The following KAT6A variants were observed in gnomAD, a reference collection of about 807,000 sequenced individuals.
KAT6A encodes the protein lysine acetyltransferase 6A.
Under a neutral mutation model 198.4 loss-of-function variants are expected in KAT6A, and 9 were observed. The ratio of observed to expected loss-of-function variants is 0.05; its 90% CI spans 0.03 to 0.08. The LOEUF (loss-of-function observed/expected upper bound fraction) is 0.08, where lower values mean the gene tolerates loss of function less well. Among genes scored for constraint, KAT6A ranks in the 10% least tolerant of loss-of-function variants. The probability of loss-of-function intolerance (pLI) is 1.00; values close to 1 mark genes in which losing one functional copy is unlikely to be tolerated. For missense variants in KAT6A, 2,077 were observed against 2,509.9 expected, an observed-to-expected ratio of 0.83 and a Z score of 3.69; for synonymous variants, 890 against 883.0, an observed-to-expected ratio of 1.01 and a Z score of -0.14.
intron 2 of KAT6A, among the ~76,000 whole-genome samples, chr8:42,034,641 T>G (rs1413083328): frequency 6.6e-6 from 1 of 152,228 alleles, no homozygotes; most frequent in Non-Finnish European, 1.5e-5. Context: ...TAGCCACATG[T>G]GGCTATTTCA....
intron 2 of KAT6A, among the ~76,000 whole-genome samples, chr8:42,040,117 T>C (rs1361434317): frequency 6.6e-6 from 1 of 151,998 alleles, no homozygotes; most frequent in Non-Finnish European, 1.5e-5. Flanking sequence ...AATTTAATCA[T>C]ATAGAATTCT....
chr8:41,981,221 G>C (rs557901500), intron 4 of KAT6A, among the ~76,000 whole-genome samples: 18 of 152,302 alleles, frequency 1.2e-4, no homozygotes, highest in Non-Finnish European at 2.2e-4. Flanking sequence ...AGAAGGCTGA[G>C]GCAGGAGAAC....
At chr8:42,019,198 A>G (rs1826412477) in intron 2 of KAT6A, among the ~76,000 whole-genome samples, 1 of 152,232 alleles carries the variant, frequency 6.6e-6, no homozygotes, top group Admixed American at 6.5e-5. Flanking sequence ...TACCTGTTTG[A>G]GATACCTCTA....
intron 2 of KAT6A, among the ~76,000 whole-genome samples, chr8:41,991,085 G>T (rs1824921718): frequency 6.7e-6 from 1 of 149,196 alleles, no homozygotes; most frequent in South Asian, 2.2e-4. Flanking sequence ...ATTTGAAAAT[G>T]TTGACGTTAT....
chr8:42,011,102 C>T (rs1335305450), intron 2 of KAT6A, among the ~76,000 whole-genome samples: 4 of 152,182 alleles, frequency 2.6e-5, no homozygotes, highest in Admixed American at 6.5e-5. Context: ...ACTAACAAAT[C>T]GCCCTTTTTA....
chr8:41,977,188 C>A lies in KAT6A; in HGVS notation c.1183G>T (p.Asp395Tyr), dbSNP rs1317247910. The change falls in exon 7 of 17, where the codon GAT becomes TAT. Residue 395 changes from aspartate (D) to tyrosine (Y), a missense_variant. Coordinates refer to ENST00000265713, the MANE Select transcript of KAT6A (RefSeq NM_006766.5). The stretch of plus-strand genomic sequence containing the variant: ...TTGAACTTCAAGGAGACATTGCTAT[C>A]TCTGCAGAAGTCCAAGCCATCTATC... ...ERIDGLDFCR[D>Y]SNVSLKFNKK... 1 of 1,614,040 alleles carries A rather than the reference C, an allele frequency of 6.2e-7. No homozygotes were observed. Among genetic ancestry groups the A allele is most frequent in the Non-Finnish European group, 8.5e-7 (1 of 1,180,018 alleles).
intron 2 of KAT6A, among the ~76,000 whole-genome samples, chr8:42,017,919 T>C (rs1310018331): frequency 6.6e-6 from 1 of 152,156 alleles, no homozygotes; most frequent in Non-Finnish European, 1.5e-5. Context: ...GAAGTACCTA[T>C]CATGTGTCAC....
chr8:41,989,545 C>T (rs1008157540), intron 2 of KAT6A, among the ~76,000 whole-genome samples: 1 of 151,838 alleles, frequency 6.6e-6, no homozygotes, highest in Non-Finnish European at 1.5e-5. Context: ...CGTGACGTGA[C>T]GTGACGTGAC....
Position 41,937,429 on chromosome 8 carries a change from C to G in KAT6A, c.3179G>C (p.Arg1060Thr). Residue 1060 changes from arginine (R) to threonine (T), a missense_variant, in exon 16 of 17, where the codon AGA becomes ACA. Transcript: ENST00000265713. ...EDSDSERPMP[R>T]LEPTFEIDEE... ...ATCGATCTCAAACGTGGGTTCTAAT[C>G]TTGGCATTGGCCTCTCGGAGTCAGA... The G allele has an allele frequency of 6.2e-7, 1 of 1,614,154 alleles. No homozygotes were observed.
intron 2 of KAT6A, among the ~76,000 whole-genome samples, chr8:42,017,361 G>A (rs1359746876): frequency 6.6e-6 from 1 of 152,102 alleles, no homozygotes; most frequent in East Asian, 1.9e-4. Context: ...TAGTAGGACA[G>A]GCAGATAAAT....
chr8:42,020,126 T>C (rs1826459667), intron 2 of KAT6A, among the ~76,000 whole-genome samples: 1 of 152,192 alleles, frequency 6.6e-6, no homozygotes, highest in Admixed American at 6.5e-5. Flanking sequence ...ATGCTGCCAA[T>C]CTAGAACTAT....
At chr8:41,983,261 T>C (rs536114308) in intron 3 of KAT6A, among the ~76,000 whole-genome samples, 1 of 152,198 alleles carries the variant, frequency 6.6e-6, no homozygotes, top group Non-Finnish European at 1.5e-5. Context: ...TCCTCTCTTT[T>C]CTATTCCTAA....
rs1398572096 is a variant in KAT6A at position 42,048,565 on chromosome 8, C to T, written c.413G>A (p.Ser138Asn). The T allele has an allele frequency of 3.1e-6, 5 of 1,614,116 alleles. No homozygotes were observed. Among genetic ancestry groups the T allele is most frequent in the African/African-American group, 1.3e-5 (1 of 74,928 alleles). The change falls in exon 2 of 17, where the codon AGT (serine) becomes AAT (asparagine). Residue 138 changes from serine (S) to asparagine (N), a missense_variant. By Grantham distance (46) the Ser-to-Asn change is conservative. Transcript: ENST00000265713. The stretch of plus-strand genomic sequence containing the variant: ...CTGCTGGTGAAAGCCAGAGGCAGCA[C>T]TGCCTCCGAATAATGCAGACACATC... ...QKDVSALFGGSAASGFHQQLR... is the reference protein window; with the variant it reads ...QKDVSALFGGNAASGFHQQLR...
chr8:41,987,097 T>C (rs1334881617), intron 3 of KAT6A, among the ~76,000 whole-genome samples: 1 of 152,174 alleles, frequency 6.6e-6, no homozygotes, highest in Non-Finnish European at 1.5e-5. Flanking sequence ...GTCATACTAC[T>C]GTATTTTTAC....
At chr8:42,015,941 T>C (rs1826252584) in intron 2 of KAT6A, among the ~76,000 whole-genome samples, 2 of 152,338 alleles carry the variant, frequency 1.3e-5, no homozygotes, top group South Asian at 2.1e-4. Flanking sequence ...ATTTTTCCCC[T>C]TGAAGTAACT....
intron 8 of KAT6A, chr8:41,957,974 C>T (rs772993907): frequency 6.6e-6 from 1 of 152,392 alleles, no homozygotes; most frequent in Non-Finnish European, 1.5e-5. Flanking sequence ...CATCTGTCCA[C>T]TGGAGCGCTC....
rs753504286 is a variant in KAT6A at position 41,934,296 on chromosome 8, A to C, written c.3924T>G (p.Thr1308=). ...PEEEEDAAAE[T]AQNDDHDADD... The stretch of plus-strand genomic sequence containing the variant: ...CAGCGTCGTGGTCGTCATTCTGGGC[A>C]GTCTCTGCAGCTGCATCTTCCTCCT... Residue 1308 remains threonine (T), a synonymous_variant, in exon 17 of 17, where the codon ACT becomes ACG. Transcript: ENST00000265713. The C allele has an allele frequency of 1.2e-6, 2 of 1,613,988 alleles. No individual in the cohort carries two copies. Among genetic ancestry groups the C allele is most frequent in the Non-Finnish European group, 1.7e-6 (2 of 1,180,006 alleles).
intron 2 of KAT6A, among the ~76,000 whole-genome samples, chr8:42,005,833 AAAG>A (rs1394214375): frequency 1.3e-5 from 2 of 151,960 alleles, no homozygotes; most frequent in Non-Finnish European, 2.9e-5. Flanking sequence ...CCATCCATCC[AAAG>A]AACAACTGCA....
chr8:41,937,353 G>C lies in KAT6A; in HGVS notation c.3255C>G (p.Phe1085Leu). The C allele has an allele frequency of 6.2e-7, 1 of 1,613,950 alleles. No homozygotes were observed. Among genetic ancestry groups the C allele is most frequent in the Non-Finnish European group, 8.5e-7 (1 of 1,179,842 alleles). Reference protein sequence around the residue: ...DENELFPREYFRRLSSQDVLR... With the variant: ...DENELFPREYLRRLSSQDVLR... The stretch of plus-strand genomic sequence containing the variant: ...GTACATCCTGCGAAGACAAACGACG[G>C]AAGTATTCTCTAGGGAAAAGTTCAT... Residue 1085 changes from phenylalanine to leucine, a missense_variant, in exon 16 of 17, where the codon TTC (phenylalanine) becomes TTG (leucine). Phe to Leu is a conservative substitution (Grantham distance 22). This residue lies in a region of KAT6A where 375 missense variants were observed against 383.0 expected (regional missense o/e 0.98). Transcript: ENST00000265713.
Sources: gnomAD v4.1 joint callset for allele counts (sites outside exome capture counted in the v4.1 genomes callset) on GRCh38, gnomAD v4.1.1 for gene constraint, gnomAD v4.1.1 regional missense constraint, MANE v1.5 for transcripts, NCBI Gene and HGNC (gene_info 2026-07-23, HGNC 2026-07-21) for gene names.